MBTD1: variants seen among roughly 807,000 people sequenced by gnomAD.
The protein encoded by MBTD1 is MBT domain-containing protein 1.
MBTD1 carries 24 observed loss-of-function variants against 87.8 expected under a neutral mutation model. The ratio of observed to expected loss-of-function variants is 0.27; its 90% CI spans 0.20 to 0.38. The LOEUF is 0.38. Ranked by LOEUF, MBTD1 falls within the 10% of genes least tolerant of loss-of-function variation. The pLI is 1.00. For synonymous variants in MBTD1, 237 were observed against 248.6 expected (o/e 0.95, Z 0.44); for missense variants, 436 against 760.2 (o/e 0.57, Z 5.02).
At chr17:51,253,010 G>A (rs2054883486) in intron 2 of MBTD1, among the ~76,000 whole-genome samples, 1 of 151,246 alleles carries the variant, frequency 6.6e-6, no homozygotes, top group Admixed American at 6.6e-5. Flanking sequence ...AGCTGAATTG[G>A]GACAAGGACC....
At chr17:51,253,228 T>C (rs1230257043) in intron 2 of MBTD1, among the ~76,000 whole-genome samples, 1 of 152,178 alleles carries the variant, frequency 6.6e-6, no homozygotes, top group Non-Finnish European at 1.5e-5. Flanking sequence ...AAGGTAACCT[T>C]ACACTATCTT....
chr17:51,258,999 G>A (rs1231715006), intron 2 of MBTD1, 144 bp downstream of exon 2: 3 of 392,096 alleles, frequency 7.7e-6, no homozygotes, highest in East Asian at 3.6e-5. Flanking sequence ...AAAAAAAGGA[G>A]CAACTTAACC....
chr17:51,248,173 G>C (rs568858232), intron 2 of MBTD1, among the ~76,000 whole-genome samples: 57 of 152,240 alleles, frequency 3.7e-4, no homozygotes, highest in African/African-American at 1.3e-3. Flanking sequence ...TCCCTCAAGG[G>C]TCCAAGATTG....
At chr17:51,209,367 T>A (rs879529356) in intron 6 of MBTD1, 3 of 471,032 alleles carry the variant, frequency 6.4e-6, no homozygotes, top group Admixed American at 2.3e-5. Flanking sequence ...ACAAGGAAGA[T>A]CTGCTCCACC....
intron 2 of MBTD1, among the ~76,000 whole-genome samples, chr17:51,247,483 A>G (rs1368750193): frequency 1.5e-5 from 2 of 132,542 alleles, no homozygotes; most frequent in African/African-American, 6.0e-5. Flanking sequence ...GTCTTGCTCT[A>G]TCGTTCAGCC....
intron 2 of MBTD1, among the ~76,000 whole-genome samples, chr17:51,233,949 A>G (rs1413160818): frequency 1.3e-5 from 2 of 152,134 alleles, no homozygotes; most frequent in African/African-American, 2.4e-5. Context: ...CAAAGCTCCA[A>G]GTGAAAATAA....
At position 51,245,617 on chromosome 17, in the gene MBTD1, A is replaced by C. The variant is rs542318357; in HGVS notation, c.-49+13526T>G. ...TAGTTGCGCCAACATCCTTTATCAA[A>C]ATGTCCATCTTTATCTCAGTGATTT... On this transcript the variant is annotated intron_variant, in intron 2 of 16. Coordinates refer to ENST00000586178, the MANE Select transcript of MBTD1 (RefSeq NM_017643.3). 5.9e-5 allele frequency among the ~76,000 whole-genome samples: 9 copies of C among 151,912 alleles called. No individual in the cohort carries two copies. In the South Asian group the frequency reaches 1.9e-3, roughly 32 times the overall value.
chr17:51,245,971 T>C (rs1476916144), intron 2 of MBTD1, among the ~76,000 whole-genome samples: 3 of 152,242 alleles, frequency 2.0e-5, no homozygotes, highest in Admixed American at 1.3e-4. Flanking sequence ...TCAAGGACAG[T>C]GGATGTCTTT....
intron 7 of MBTD1, among the ~76,000 whole-genome samples, chr17:51,206,562 T>A (rs1270964365): frequency 1.3e-5 from 2 of 152,222 alleles, no homozygotes; most frequent in Non-Finnish European, 2.9e-5. Context: ...AAAAGGATAT[T>A]TCATGATACA....
At position 51,179,498 on chromosome 17, in the gene MBTD1, A is replaced by ATATATT. The variant is rs2050214260; in HGVS notation, c.*1077_*1078insAATATA. ...TAAAGACAATTTTATATATATATATATATATATATATATATATATATATAT... is the reference window on the plus strand; with the variant it reads ...TAAAGACAATTTTATATATATATATATATATTTATATATATATATATATATATATAT... On this transcript the variant is annotated 3_prime_UTR_variant, in exon 17 of 17. Transcript: ENST00000586178. The ATATATT allele has an allele frequency of 2.4e-4, 14 of 58,414 alleles. 1 individual carries two copies. The highest frequency in any genetic ancestry group is 9.9e-4 in the South Asian group (2 of 2,020). 3.6% of individuals were successfully genotyped at this position (58,414 alleles called of 1,614,324 possible).
At chr17:51,194,555 C>G (rs1316319473) in intron 13 of MBTD1, among the ~76,000 whole-genome samples, 1 of 92,404 alleles carries the variant, frequency 1.1e-5, no homozygotes, top group Non-Finnish European at 1.9e-5. Context: ...GGTGACAGAG[C>G]GAGACTGTCT....
At position 51,179,516 on chromosome 17, in the gene MBTD1, A is replaced by ATATTTATATT. The variant is rs1568136300; in HGVS notation, c.*1059_*1060insAATATAAATA. 39 of 87,962 alleles carry ATATTTATATT rather than the reference A, an allele frequency of 4.4e-4. 3 individuals carry two copies. Among genetic ancestry groups the ATATTTATATT allele is most frequent in the Middle Eastern group, 4.8e-3 (1 of 210 alleles). 5.4% of individuals were successfully genotyped at this position (87,962 alleles called of 1,614,324 possible). Reference sequence around the variant, plus strand: ...TATATATATATATATATATATATATATATATATATATATATATATATGGAA... The same window carrying ATATTTATATT: ...TATATATATATATATATATATATATATATTTATATTTATATATATATATATATATATGGAA... On this transcript the variant is annotated 3_prime_UTR_variant, in exon 17 of 17. Coordinates refer to ENST00000586178, the MANE Select transcript of MBTD1 (RefSeq NM_017643.3).
At chr17:51,206,302 C>T (rs1196547285) in intron 7 of MBTD1, among the ~76,000 whole-genome samples, 1 of 152,114 alleles carries the variant, frequency 6.6e-6, no homozygotes, top group East Asian at 1.9e-4. Flanking sequence ...GAGAATGGGT[C>T]TCGCTATTTT....
At chr17:51,245,725 T>C (rs909832228) in intron 2 of MBTD1, among the ~76,000 whole-genome samples, 4 of 152,148 alleles carry the variant, frequency 2.6e-5, no homozygotes, top group African/African-American at 7.2e-5. Flanking sequence ...TCTGTTCTTG[T>C]GCCAATGTCT....
chr17:51,246,595 C>T (rs183817670), intron 2 of MBTD1, among the ~76,000 whole-genome samples: 4 of 152,226 alleles, frequency 2.6e-5, no homozygotes, highest in East Asian at 3.9e-4. Flanking sequence ...TAAACAATCA[C>T]GTCACTAACA....
intron 2 of MBTD1, chr17:51,256,534 G>A (rs915646507): frequency 1.3e-5 from 2 of 152,166 alleles, no homozygotes; most frequent in Non-Finnish European, 2.9e-5. Context: ...GAGAAGTTTA[G>A]TATTTTAACA....
At chr17:51,194,727 GAA>G (rs202219609) in intron 13 of MBTD1, among the ~76,000 whole-genome samples, 8 of 133,324 alleles carry the variant, frequency 6.0e-5, no homozygotes, top group Admixed American at 1.5e-4. Flanking sequence ...TACATACAAA[GAA>G]AAAAAAAAAA....
chr17:51,248,555 CCTGAGTT>C (rs2054587351), intron 2 of MBTD1, among the ~76,000 whole-genome samples: 2 of 152,308 alleles, frequency 1.3e-5, no homozygotes, highest in Middle Eastern at 3.4e-3. Flanking sequence ...TCTCCCCAGT[CCTGAGTT>C]CTATTAGCTT....
intron 2 of MBTD1, among the ~76,000 whole-genome samples, chr17:51,245,335 T>C (rs981638026): frequency 6.6e-6 from 1 of 152,244 alleles, no homozygotes; most frequent in Non-Finnish European, 1.5e-5. Flanking sequence ...TCTGTATGTA[T>C]GGAAAATTGT....
Sources: allele counts gnomAD v4.1 joint callset (sites outside exome capture counted in the v4.1 genomes callset), GRCh38; gene constraint gnomAD v4.1.1; transcripts MANE v1.5; gene names NCBI Gene and HGNC (gene_info 2026-07-23, HGNC 2026-07-21).